Variants in ANO10 observed in about 807,000 individuals in gnomAD.
ANO10 encodes anoctamin 10, also known as anoctamin-10.
A neutral mutation model predicts 74.7 loss-of-function variants in ANO10; 77 were observed. The ratio of observed to expected loss-of-function variants is 1.03; its 90% CI spans 0.86 to 1.25. The LOEUF (loss-of-function observed/expected upper bound fraction) is 1.25, where lower values mean the gene tolerates loss of function less well. ANO10 is among the 50% of genes most tolerant of loss of function. The pLI, the probability that ANO10 is intolerant of heterozygous loss-of-function variation, is 0.00. For synonymous variants in ANO10, 279 were observed against 284.9 expected (o/e 0.98, Z 0.21); for missense variants, 721 against 778.1 (o/e 0.93, Z 0.87).
intron 12 of ANO10, among the ~76,000 whole-genome samples, chr3:43,374,711 ATTTTCTGCT>A (rs992225803): frequency 6.6e-6 from 1 of 152,146 alleles, no homozygotes; most frequent in Non-Finnish European, 1.5e-5. Context: ...CCTGGCTCAG[ATTTTCTGCT>A]TCTGCTAAAT....
At chr3:43,475,135 G>A (rs1445683067) in intron 11 of ANO10, among the ~76,000 whole-genome samples, 3 of 152,042 alleles carry the variant, frequency 2.0e-5, no homozygotes, top group Non-Finnish European at 2.9e-5. Context: ...ACTATGTCAC[G>A]GCTGTCTTTC....
At chr3:43,671,989 A>G (rs1464300258) in intron 1 of ANO10, among the ~76,000 whole-genome samples, 1 of 152,200 alleles carries the variant, frequency 6.6e-6, no homozygotes, top group Non-Finnish European at 1.5e-5. Context: ...ATCCAATAAA[A>G]TAAAAATTCA....
At chr3:43,637,469 A>AAAACAAACAAAC (rs376730826) in intron 1 of ANO10, 1 of 152,212 alleles carries the variant, frequency 6.6e-6, no homozygotes, top group Non-Finnish European at 1.5e-5. Context: ...ACTCCATCTC[A>AAAACAAACAAAC]AAACAAACAA....
rs559619026 is a variant in ANO10, at chr3:43,595,407, T to C, written c.472+3125A>G. On this transcript the variant is annotated intron_variant, in intron 4 of 12. Transcript: ENST00000292246. ...GAATCCAGCAGCACATCAAAAAGCT[T>C]ATCCACCATGATCAAGTGGGCTTCA... Among the ~76,000 whole-genome samples the C allele has an allele frequency of 4.6e-5, 7 of 152,310 alleles. No homozygotes were observed. In the South Asian group the frequency reaches 1.4e-3, roughly 32 times the overall value.
chr3:43,554,519 C>T (rs2079641740), intron 10 of ANO10, among the ~76,000 whole-genome samples: 1 of 152,058 alleles, frequency 6.6e-6, no homozygotes, highest in African/African-American at 2.4e-5. Context: ...AAATAGAAAC[C>T]TGGACATGTT....
At chr3:43,444,888 C>T (rs907543814) in intron 11 of ANO10, among the ~76,000 whole-genome samples, 1 of 152,034 alleles carries the variant, frequency 6.6e-6, no homozygotes, top group Non-Finnish European at 1.5e-5. Context: ...TGCTGGGAGG[C>T]CAAGGCGGGC....
intron 11 of ANO10, among the ~76,000 whole-genome samples, chr3:43,493,927 G>T (rs912370596): frequency 2.6e-5 from 4 of 151,908 alleles, no homozygotes; most frequent in African/African-American, 9.7e-5. Context: ...ACAGAGATGG[G>T]GTCTTGCTTT....
chr3:43,673,522 C>T (rs2084085491), intron 1 of ANO10, among the ~76,000 whole-genome samples: 1 of 152,094 alleles, frequency 6.6e-6, no homozygotes, highest in Admixed American at 6.6e-5. Flanking sequence ...TACAGAAAGG[C>T]AACTGACATT....
At chr3:43,416,340 A>G (rs1010484317) in intron 12 of ANO10, among the ~76,000 whole-genome samples, 1 of 152,222 alleles carries the variant, frequency 6.6e-6, no homozygotes, top group Non-Finnish European at 1.5e-5. Flanking sequence ...TTTGGGAGAG[A>G]GATCAAACGT....
intron 1 of ANO10, among the ~76,000 whole-genome samples, chr3:43,682,085 C>G (rs1170841020): frequency 2.0e-5 from 3 of 151,874 alleles, no homozygotes; most frequent in Non-Finnish European, 4.4e-5. Flanking sequence ...TGACCAGAGC[C>G]GAACTGAAGG....
chr3:43,563,486 A>C (rs1227604927), intron 8 of ANO10, among the ~76,000 whole-genome samples: 3 of 149,176 alleles, frequency 2.0e-5, no homozygotes, highest in Non-Finnish European at 3.0e-5. Flanking sequence ...AGAATCCAGC[A>C]TTCTGACTAC....
At chr3:43,495,781 A>G (rs2076891756) in intron 11 of ANO10, among the ~76,000 whole-genome samples, 1 of 152,020 alleles carries the variant, frequency 6.6e-6, no homozygotes, top group African/African-American at 2.4e-5. Context: ...GCTCACTGCA[A>G]CCTCTGCTCC....
At chr3:43,566,799 G>A (rs915591079) in intron 7 of ANO10, among the ~76,000 whole-genome samples, 14 of 152,264 alleles carry the variant, frequency 9.2e-5, no homozygotes, top group African/African-American at 2.9e-4. Context: ...CCAAAGGAAC[G>A]CAGTTCCTCA....
intron 11 of ANO10, among the ~76,000 whole-genome samples, chr3:43,520,894 A>AT (rs1053156265): frequency 1.1e-4 from 16 of 151,864 alleles, no homozygotes; most frequent in African/African-American, 2.4e-4. Flanking sequence ...TTAGTCTTCC[A>AT]TTTTTTTCTT....
intron 11 of ANO10, among the ~76,000 whole-genome samples, chr3:43,435,526 A>G (rs1048245967): frequency 3.3e-5 from 5 of 151,578 alleles, no homozygotes; most frequent in Admixed American, 3.3e-4. Flanking sequence ...AAAAAAAAAA[A>G]GCTGGGCAAA....
intron 12 of ANO10, among the ~76,000 whole-genome samples, chr3:43,399,086 CA>C (rs1350407934): frequency 6.6e-6 from 1 of 152,178 alleles, no homozygotes; most frequent in Non-Finnish European, 1.5e-5. Context: ...CCTCGAACTT[CA>C]AAAGTGCTGG....
chr3:43,534,496 G>A (rs1169449709), intron 11 of ANO10, among the ~76,000 whole-genome samples: 1 of 150,246 alleles, frequency 6.7e-6, no homozygotes, highest in Non-Finnish European at 1.5e-5. Context: ...GCGCAAGAGA[G>A]AACGGGAGAC....
At chr3:43,633,206 A>C (rs956875358) in intron 1 of ANO10, among the ~76,000 whole-genome samples, 1 of 152,196 alleles carries the variant, frequency 6.6e-6, no homozygotes, top group Admixed American at 6.5e-5. Flanking sequence ...TGCCATTGAG[A>C]GTAATGGTAA....
intron 11 of ANO10, among the ~76,000 whole-genome samples, chr3:43,437,219 C>T (rs1238261794): frequency 2.6e-5 from 4 of 152,092 alleles, no homozygotes; most frequent in Non-Finnish European, 5.9e-5. Context: ...CTAAAAGAAA[C>T]AACACTGGAA....
Sources: allele counts gnomAD v4.1 joint callset (sites outside exome capture counted in the v4.1 genomes callset), GRCh38; gene constraint gnomAD v4.1.1; transcripts MANE v1.5; gene names NCBI Gene and HGNC (gene_info 2026-07-23, HGNC 2026-07-21).